Variants in BMP2K observed in about 807,000 individuals in gnomAD.
The protein encoded by BMP2K is BMP-2-inducible protein kinase.
In BMP2K, 74 loss-of-function variants were observed where a neutral mutation model predicts 116.0. The ratio of observed to expected loss-of-function variants is 0.64; its 90% confidence interval spans 0.53 to 0.77. The LOEUF (loss-of-function observed/expected upper bound fraction) is 0.77. Ranked by LOEUF, BMP2K falls within the 30% of genes least tolerant of loss-of-function variation. The pLI is 0.00. For synonymous variants in BMP2K, 486 were observed against 502.5 expected (o/e 0.97, Z 0.44); for missense variants, 1,365 against 1,403.6 (o/e 0.97, Z 0.44).
chr4:78,796,645 C>T (rs1370116974), intron 1 of BMP2K, among the ~76,000 whole-genome samples: 1 of 152,070 alleles, frequency 6.6e-6, no homozygotes, highest in Non-Finnish European at 1.5e-5. Context: ...GAGAGGTTGG[C>T]ATAATGCTGA....
chr4:78,836,834 G>A (rs975118764), intron 3 of BMP2K, among the ~76,000 whole-genome samples: 5 of 152,152 alleles, frequency 3.3e-5, no homozygotes, highest in African/African-American at 1.2e-4. Flanking sequence ...TAGTGTTGTT[G>A]ACAAATTGAT....
Position 78,847,193 on chromosome 4 carries a change from C to G in BMP2K, c.674C>G (p.Thr225Arg), listed in dbSNP as rs765161327. 1 of 1,540,036 alleles carries G rather than the reference C, an allele frequency of 6.5e-7. No individual in the cohort carries two copies. Among genetic ancestry groups the G allele is most frequent in the Non-Finnish European group, 8.8e-7 (1 of 1,140,050 alleles). Reference protein sequence around the residue: ...NVVEEEIKKYTTLSYRAPEMI... With the variant: ...NVVEEEIKKYRTLSYRAPEMI... Reference sequence around the variant, plus strand: ...TTTCACTCATTTACTGCCAGGTATACAACTCTGTCATACAGAGCCCCTGAA... The same window carrying G: ...TTTCACTCATTTACTGCCAGGTATAGAACTCTGTCATACAGAGCCCCTGAA... Residue 225 changes from threonine to arginine, a missense_variant, in exon 6 of 16, where the codon ACA (threonine) becomes AGA (arginine). Thr to Arg is a moderately conservative substitution (Grantham distance 71, BLOSUM62 -1). Transcript: ENST00000502613.
Position 78,776,632 on chromosome 4 carries a change from C to T in BMP2K, c.89C>T (p.Ala30Val). Residue 30 changes from alanine to valine, a missense_variant, in exon 1 of 16, where the codon GCC becomes GTC. Around this residue, in one of 3 missense-constraint regions of BMP2K, gnomAD observed 762 missense variants for 756.7 expected, o/e 1.01. Coordinates refer to ENST00000502613, the MANE Select transcript of BMP2K (RefSeq NM_198892.2). Reference sequence around the variant, plus strand: ...GGGGCTGGCGGGGCCGGGGCCGGGGCCGGCTGCGGCTCCGGCGGCTCGTCC... The same window carrying T: ...GGGGCTGGCGGGGCCGGGGCCGGGGTCGGCTGCGGCTCCGGCGGCTCGTCC... ...GGGAGGAGAG[A>V]GCGSGGSSVG... 4 of 1,213,362 alleles carry T rather than the reference C, an allele frequency of 3.3e-6. No individual in the cohort carries two copies. The highest frequency in any genetic ancestry group is 3.1e-6 in the Non-Finnish European group (3 of 972,578). The allele number at this position is 1,213,362 out of a possible 1,614,324, so 75.2% of individuals were successfully genotyped here. A position where few individuals can be genotyped will look rare whatever the true frequency, so the allele number is the denominator to read the frequency against.
intron 15 of BMP2K, among the ~76,000 whole-genome samples, chr4:78,900,683 T>C (rs1378145369): frequency 6.6e-6 from 1 of 152,230 alleles, no homozygotes; most frequent in Non-Finnish European, 1.5e-5. Context: ...TTCCAGACTT[T>C]TAGAAAGATT....
chr4:78,832,005 T>C (rs1730230515), intron 2 of BMP2K, among the ~76,000 whole-genome samples: 2 of 152,220 alleles, frequency 1.3e-5, no homozygotes, highest in Non-Finnish European at 2.9e-5. Context: ...CACATAATTA[T>C]AGCATCTTTA....
intron 15 of BMP2K, among the ~76,000 whole-genome samples, chr4:78,892,558 T>C (rs1310324224): frequency 3.9e-5 from 6 of 152,176 alleles, no homozygotes; most frequent in African/African-American, 1.4e-4. Context: ...ATGCTAAAAT[T>C]TTTATGTTTT....
chr4:78,846,702 AAAAC>A (rs1731016096), intron 5 of BMP2K, among the ~76,000 whole-genome samples: 1 of 151,686 alleles, frequency 6.6e-6, no homozygotes, highest in African/African-American at 2.4e-5. Flanking sequence ...AATAATTATA[AAAAC>A]AAACTCAAAA....
chr4:78,888,948 G>A (rs1298257148), intron 15 of BMP2K, among the ~76,000 whole-genome samples: 1 of 152,158 alleles, frequency 6.6e-6, no homozygotes, highest in African/African-American at 2.4e-5. Context: ...TGGGCCGGGC[G>A]CGGTGGCTTG....
At position 78,878,896 on chromosome 4, in the gene BMP2K, G is replaced by T; in HGVS notation, c.1951+5G>T. The stretch of plus-strand genomic sequence containing the variant: ...AATTTGACCTTCTAAGATCAAGTAA[G>T]GGACACTTGAAGGCTTATTTTGCTT... On this transcript the variant is annotated splice_donor_5th_base_variant and intron_variant, in intron 14 of 15. Transcript: ENST00000502613. 1 of 1,605,996 alleles carries T rather than the reference G, an allele frequency of 6.2e-7. No individual in the cohort carries two copies. Among genetic ancestry groups the T allele is most frequent in the South Asian group, 1.1e-5 (1 of 88,932 alleles).
chr4:78,825,379 GC>G (rs1195519814), intron 1 of BMP2K, among the ~76,000 whole-genome samples: 1 of 152,118 alleles, frequency 6.6e-6, no homozygotes, highest in African/African-American at 2.4e-5. Flanking sequence ...TTCCATTATG[GC>G]CATAGATGAC....
At chr4:78,871,487 G>A (rs1732353908) in intron 11 of BMP2K, among the ~76,000 whole-genome samples, 1 of 152,138 alleles carries the variant, frequency 6.6e-6, no homozygotes, top group South Asian at 2.1e-4. Context: ...GTAAGTAGGT[G>A]GTACCATGGG....
chr4:78,806,822 T>TGGTG (rs1728841884), intron 1 of BMP2K, among the ~76,000 whole-genome samples: 1 of 151,380 alleles, frequency 6.6e-6, no homozygotes, highest in African/African-American at 2.4e-5. Flanking sequence ...CATGAAGTGG[T>TGGTG]GGTGGATCTT....
At chr4:78,789,485 G>C (rs570385685) in intron 1 of BMP2K, among the ~76,000 whole-genome samples, 1 of 152,270 alleles carries the variant, frequency 6.6e-6, no homozygotes, top group African/African-American at 2.4e-5. Context: ...CTTGGAACTG[G>C]TTTAAGGGAC....
chr4:78,786,754 A>G (rs1178086264), intron 1 of BMP2K, among the ~76,000 whole-genome samples: 1 of 152,170 alleles, frequency 6.6e-6, no homozygotes, highest in African/African-American at 2.4e-5. Context: ...CTACAACCAA[A>G]TAAGTGTAAT....
intron 1 of BMP2K, among the ~76,000 whole-genome samples, chr4:78,778,669 C>A (rs932157805): frequency 1.3e-5 from 2 of 152,184 alleles, no homozygotes; most frequent in Non-Finnish European, 2.9e-5. Flanking sequence ...TTGATCCTGG[C>A]CGGTCTTATT....
In BMP2K at chr4:78,913,456, A is replaced by G. The variant is rs1380672628; in HGVS notation, c.*1423A>G. 6.6e-6 allele frequency: 1 copy of G among 151,564 alleles called. No individual in the cohort carries two copies. The highest frequency in any genetic ancestry group is 6.6e-5 in the Admixed American group (1 of 15,246). The allele number at this position is 151,564 out of a possible 1,614,324, so 9.4% of individuals were successfully genotyped here. A position where few individuals can be genotyped will look rare whatever the true frequency, so the allele number is the denominator to read the frequency against. On this transcript the variant is annotated 3_prime_UTR_variant, in exon 16 of 16. Transcript: ENST00000502613. ...ATCTGTGCTTCCTGTGTCTATGACT[A>G]TTTTAAGATATAATTGTGCTGCGCT...
At chr4:78,867,039 T>G (rs1732086739) in intron 10 of BMP2K, among the ~76,000 whole-genome samples, 1 of 151,724 alleles carries the variant, frequency 6.6e-6, no homozygotes, top group African/African-American at 2.4e-5. Flanking sequence ...GGCATGGTGG[T>G]ACACACCTGT....
intron 1 of BMP2K, among the ~76,000 whole-genome samples, chr4:78,783,343 T>A (rs1446623337): frequency 2.4e-4 from 36 of 152,218 alleles, no homozygotes; most frequent in Non-Finnish European, 1.2e-4. Context: ...ATGTTATTAT[T>A]GTAGTGATAG....
chr4:78,826,064 G>T lies in BMP2K; in HGVS notation c.206G>T (p.Arg69Leu). ...GGATTCTCCACAGTTTTCCTCGTGC[G>T]TACTCACGGTGGAATCCGATGTGCA... ...EGGFSTVFLVRTHGGIRCALK... is the reference protein window; with the variant it reads ...EGGFSTVFLVLTHGGIRCALK... The change falls in exon 2 of 16, where the codon CGT becomes CTT. Residue 69 changes from arginine (R) to leucine (L), a missense_variant. Physicochemically the swap from Arg to Leu is moderately radical, Grantham distance 102 (BLOSUM62 -2). Around this residue, in one of 3 missense-constraint regions of BMP2K, gnomAD observed 762 missense variants for 756.7 expected, o/e 1.01. Coordinates refer to ENST00000502613, the MANE Select transcript of BMP2K (RefSeq NM_198892.2). 6.2e-7 allele frequency: 1 copy of T among 1,613,524 alleles called. No individual in the cohort carries two copies. The highest frequency in any genetic ancestry group is 8.5e-7 in the Non-Finnish European group (1 of 1,179,704).
Sources: allele counts gnomAD v4.1 joint callset (sites outside exome capture counted in the v4.1 genomes callset), GRCh38; gene constraint gnomAD v4.1.1; regional missense constraint gnomAD v4.1.1; transcripts MANE v1.5; gene names NCBI Gene and HGNC (gene_info 2026-07-23, HGNC 2026-07-21).